PCDHGA12: variants seen among roughly 807,000 people sequenced by gnomAD.
PCDHGA12 encodes protocadherin gamma-A12.
PCDHGA12 carries 43 observed loss-of-function variants against 61.1 expected under a neutral mutation model. That is an observed-to-expected ratio of 0.70 (90% confidence interval 0.55 to 0.91). The LOEUF is 0.91. Ranked by LOEUF, PCDHGA12 falls within the 40% of genes least tolerant of loss-of-function variation. The pLI is 0.00. For missense variants in PCDHGA12, 1,236 were observed against 1,227.7 expected, an observed-to-expected ratio of 1.01 and a Z score of -0.10; for synonymous variants, 520 against 542.9, an observed-to-expected ratio of 0.96 and a Z score of 0.59.
At chr5:141,469,314 C>A (rs982242861) in intron 1 of PCDHGA12, among the ~76,000 whole-genome samples, 1 of 151,982 alleles carries the variant, frequency 6.6e-6, no homozygotes, top group Non-Finnish European at 1.5e-5. Flanking sequence ...CGATGGCTCA[C>A]GCCTGTAATC....
At position 141,432,266 on chromosome 5, in the gene PCDHGA12, T is replaced by A. The variant is rs1444077446; in HGVS notation, c.1507T>A (p.Ser503Thr). The A allele has an allele frequency of 9.3e-6, 15 of 1,614,096 alleles. No individual in the cohort carries two copies. Among genetic ancestry groups the A allele is most frequent in the Admixed American group, 3.3e-5 (2 of 60,010 alleles). The stretch of plus-strand genomic sequence containing the variant: ...CACCATCCAAGGGGCAAGCCTATCG[T>A]CCTACGTGTCCATCAACTCCGACAC... ...ENTIQGASLS[S>T]YVSINSDTGV... The change falls in exon 1 of 4, where the codon TCC becomes ACC. Residue 503 changes from serine to threonine, a missense_variant. Physicochemically the swap from Ser to Thr is moderately conservative, Grantham distance 58 (BLOSUM62 1). Transcript: ENST00000252085. The surrounding 1 kb of genome is among the most constrained non-coding windows in gnomAD (Gnocchi z 6.0).
In PCDHGA12 at chr5:141,489,104, A is replaced by C; in HGVS notation, c.2425-5703A>C. The stretch of plus-strand genomic sequence containing the variant: ...CCACTCGGTGACTAAGAACTGCTGC[A>C]AGCAGGCAAACCTCCGAGCAGTTTT... On this transcript the variant is annotated intron_variant, in intron 1 of 3. Coordinates refer to ENST00000252085, the MANE Select transcript of PCDHGA12 (RefSeq NM_003735.3). The surrounding 1 kb of genome is among the most constrained non-coding windows in gnomAD (Gnocchi z 4.5). 2.5e-6 allele frequency: 1 copy of C among 405,816 alleles called. No individual in the cohort carries two copies. Among genetic ancestry groups the C allele is most frequent in the Non-Finnish European group, 4.3e-6 (1 of 232,372 alleles). 25.1% of individuals were successfully genotyped at this position (405,816 alleles called of 1,614,324 possible). A position where few individuals can be genotyped will look rare whatever the true frequency, so the allele number is the denominator to read the frequency against.
At position 141,489,094 on chromosome 5, in the gene PCDHGA12, G is replaced by GAAA. The variant is rs2154581134; in HGVS notation, c.2425-5711_2425-5710insAAA. On this transcript the variant is annotated intron_variant, in intron 1 of 3. Coordinates refer to ENST00000252085, the MANE Select transcript of PCDHGA12 (RefSeq NM_003735.3). The surrounding 1 kb of genome is among the most constrained non-coding windows in gnomAD (Gnocchi z 4.5). ...CCCACCCCCGCCACTCGGTGACTAA[G>GAAA]AACTGCTGCAAGCAGGCAAACCTCC... The GAAA allele has an allele frequency of 5.1e-6, 2 of 396,028 alleles. No homozygotes were observed. Among genetic ancestry groups the GAAA allele is most frequent in the South Asian group, 4.8e-5 (1 of 20,814 alleles). The allele number at this position is 396,028 out of a possible 1,614,324, so 24.5% of individuals were successfully genotyped here.
At position 141,431,316 on chromosome 5, in the gene PCDHGA12, C is replaced by T; in HGVS notation, c.557C>T (p.Ala186Val). 6.2e-7 allele frequency: 1 copy of T among 1,614,104 alleles called. No individual in the cohort carries two copies. The highest frequency in any genetic ancestry group is 8.5e-7 in the Non-Finnish European group (1 of 1,180,046). The stretch of plus-strand genomic sequence containing the variant: ...TTCTCCCTCATCGTGCAAAATGGAG[C>T]CGACGGTAGTAAGTACCCCGAATTG... ...THFSLIVQNG[A>V]DGSKYPELVL... The change falls in exon 1 of 4, where the codon GCC becomes GTC. Residue 186 changes from alanine (A) to valine (V), a missense_variant. By Grantham distance (64) the Ala-to-Val change is moderately conservative. Transcript: ENST00000252085. The surrounding 1 kb of genome is among the most constrained non-coding windows in gnomAD (Gnocchi z 4.8).
chr5:141,475,768 G>A (rs756539564), intron 1 of PCDHGA12, among the ~76,000 whole-genome samples: 5 of 152,280 alleles, frequency 3.3e-5, no homozygotes, highest in South Asian at 2.1e-4. Flanking sequence ...TACTGGCAAG[G>A]CGCTTTGGCT....
intron 3 of PCDHGA12, among the ~76,000 whole-genome samples, chr5:141,510,194 G>T (rs920127442): frequency 6.6e-6 from 1 of 151,462 alleles, no homozygotes. Context: ...AATCACTTGA[G>T]CCCAGGAGGC....
chr5:141,457,337 TTAC>T (rs1446765287), intron 1 of PCDHGA12, among the ~76,000 whole-genome samples: 2 of 152,202 alleles, frequency 1.3e-5, no homozygotes, highest in Non-Finnish European at 2.9e-5. Flanking sequence ...GGTACCTTAC[TTAC>T]TTTCATTACC....
At chr5:141,504,306 G>A (rs2099837315) in intron 2 of PCDHGA12, among the ~76,000 whole-genome samples, 1 of 152,076 alleles carries the variant, frequency 6.6e-6, no homozygotes, top group South Asian at 2.1e-4. Context: ...AACACTCGGA[G>A]TTTCTAAAAG....
rs2233603 is a variant in PCDHGA12 at position 141,490,063 on chromosome 5, G to A, written c.2425-4744G>A. 1,259 of 1,614,208 alleles carry A rather than the reference G, an allele frequency of 7.8e-4. 6 individuals carry two copies. The African/African-American group carries it at 0.013, about 16-fold the overall frequency. On this transcript the variant is annotated intron_variant, in intron 1 of 3. Transcript: ENST00000252085. The surrounding 1 kb of genome is among the most constrained non-coding windows in gnomAD (Gnocchi z 5.4). ...CACTGATCCAGACGAGGGCACCAAC[G>A]GCCAACTAGACTATTCTTTTGGAGA...
At chr5:141,494,954 G>A in intron 2 of PCDHGA12, 89 bp downstream of exon 2, 2 of 1,601,116 alleles carry the variant, frequency 1.2e-6, no homozygotes. Context: ...CCCAGCATTT[G>A]CTACAGATGG....
chr5:141,431,325 G>A lies in PCDHGA12; in HGVS notation c.566G>A (p.Ser189Asn). The change falls in exon 1 of 4, where the codon AGT becomes AAT. Residue 189 changes from serine (S) to asparagine (N), a missense_variant. Ser to Asn is a conservative substitution (Grantham distance 46). Transcript: ENST00000252085. The surrounding 1 kb of genome is among the most constrained non-coding windows in gnomAD (Gnocchi z 4.8). ...SLIVQNGADG[S>N]KYPELVLKRA... ...ATCGTGCAAAATGGAGCCGACGGTA[G>A]TAAGTACCCCGAATTGGTGCTGAAA... is the stretch of plus-strand genomic sequence containing the variant. 6.2e-7 allele frequency: 1 copy of A among 1,614,144 alleles called. No homozygotes were observed. The highest frequency in any genetic ancestry group is 8.5e-7 in the Non-Finnish European group (1 of 1,180,052).
rs372326132 is a variant in PCDHGA12 at position 141,486,185 on chromosome 5, G to A, written c.2425-8622G>A. On this transcript the variant is annotated intron_variant, in intron 1 of 3. Coordinates refer to ENST00000252085, the MANE Select transcript of PCDHGA12 (RefSeq NM_003735.3). The surrounding 1 kb of genome is among the most constrained non-coding windows in gnomAD (Gnocchi z 5.0). ...CATGGAGCAACATTGCAGCCTTCGAGTGGATCTGCTGGACGTAAATGACAA... is the reference window on the plus strand; with the variant it reads ...CATGGAGCAACATTGCAGCCTTCGAATGGATCTGCTGGACGTAAATGACAA... 42 of 1,614,108 alleles carry A rather than the reference G, an allele frequency of 2.6e-5. No homozygotes were observed. The highest frequency in any genetic ancestry group is 3.4e-5 in the Non-Finnish European group (40 of 1,180,048).
chr5:141,482,609 A>G (rs2099569274), intron 1 of PCDHGA12, among the ~76,000 whole-genome samples: 1 of 151,770 alleles, frequency 6.6e-6, no homozygotes, highest in African/African-American at 2.4e-5. Context: ...AAACACCTAA[A>G]TGAGCCTGGA....
At chr5:141,434,553 G>T (rs1203568173) in intron 1 of PCDHGA12, among the ~76,000 whole-genome samples, 1 of 152,202 alleles carries the variant, frequency 6.6e-6, no homozygotes, top group Admixed American at 6.5e-5. Flanking sequence ...AGTGATCTGT[G>T]CCTTAAGGAC....
intron 1 of PCDHGA12, chr5:141,478,247 G>A (rs1377698933): frequency 1.2e-6 from 2 of 1,614,074 alleles, no homozygotes; most frequent in Admixed American, 3.3e-5. Context: ...CACAGTGTTC[G>A]GAGTAATCAT....
At position 141,444,152 on chromosome 5, in the gene PCDHGA12, A is replaced by ATTTTTTTTTTT. The variant is rs747671382; in HGVS notation, c.2424+10995_2424+11005dup. 8.9e-5 allele frequency among the ~76,000 whole-genome samples: 3 copies of ATTTTTTTTTTT among 33,898 alleles called. 1 individual carries two copies. Among genetic ancestry groups the ATTTTTTTTTTT allele is most frequent in the African/African-American group, 4.2e-4 (3 of 7,184 alleles). 22.2% of individuals were successfully genotyped at this position (33,898 alleles called of 152,430 possible). On this transcript the variant is annotated intron_variant, in intron 1 of 3. Transcript: ENST00000252085. Reference sequence around the variant, plus strand: ...GATATGTGTCACTTGTGTGTACTGGATTTTTTTTTTTTTTTTTTTTTTTTT... The same window carrying ATTTTTTTTTTT: ...GATATGTGTCACTTGTGTGTACTGGATTTTTTTTTTTTTTTTTTTTTTTTTTTTTTTTTTTT...
At chr5:141,437,463 AC>A (rs2097887109) in intron 1 of PCDHGA12, among the ~76,000 whole-genome samples, 1 of 152,184 alleles carries the variant, frequency 6.6e-6, no homozygotes, top group Non-Finnish European at 1.5e-5. Flanking sequence ...ACTATACTAT[AC>A]TTTTATAGCA....
chr5:141,501,237 A>G (rs1327502244), intron 2 of PCDHGA12, among the ~76,000 whole-genome samples: 1 of 150,372 alleles, frequency 6.7e-6, no homozygotes, highest in Non-Finnish European at 1.5e-5. Flanking sequence ...CAGTTTTTTG[A>G]GCATGATGTA....
At chr5:141,445,178 A>G (rs768321514) in intron 1 of PCDHGA12, among the ~76,000 whole-genome samples, 2 of 152,218 alleles carry the variant, frequency 1.3e-5, no homozygotes, top group Admixed American at 1.3e-4. Context: ...ATGAAAAACT[A>G]TGTTTTTATG....
Sources: allele counts gnomAD v4.1 joint callset (sites outside exome capture counted in the v4.1 genomes callset), GRCh38; gene constraint gnomAD v4.1.1; non-coding constraint Gnocchi (gnomAD v3.1); transcripts MANE v1.5; gene names NCBI Gene and HGNC (gene_info 2026-07-23, HGNC 2026-07-21).